RIF1: variants seen among roughly 807,000 people sequenced by gnomAD.
The protein encoded by RIF1 is replication timing regulatory factor 1, also known as telomere-associated protein RIF1.
In RIF1, 45 loss-of-function variants were observed where a neutral mutation model predicts 247.1. That is an observed-to-expected ratio of 0.18 (90% CI 0.14 to 0.23). The LOEUF is 0.23. Among genes scored for constraint, RIF1 ranks in the 10% least tolerant of loss-of-function variants. RIF1 has a pLI of 1.00. For synonymous variants in RIF1, 1,087 were observed against 978.8 expected (o/e 1.11, Z -2.06); for missense variants, 2,967 against 2,862.5 (o/e 1.04, Z -0.83).
At chr2:151,485,048 T>A (rs2152591165), downstream of RIF1, among the ~76,000 whole-genome samples, 1 of 152,320 alleles carries the variant, frequency 6.6e-6, no homozygotes, top group East Asian at 1.9e-4. Context: ...GCCATTATGG[T>A]TGCTTCTTCT....
rs116721618 is a variant in RIF1, at chr2:151,477,411, T to G, written c.*2340T>G. On this transcript the variant is annotated 3_prime_UTR_variant, in exon 36 of 36. Coordinates refer to ENST00000444746, the MANE Select transcript of RIF1 (RefSeq NM_018151.5). ...AAACTAGTGGCATACAGGATTGTCA[T>G]GTAGTATCTTTTTTTTTTTTTGAGA... is the stretch of plus-strand genomic sequence containing the variant. 2.0e-5 allele frequency: 3 copies of G among 152,096 alleles called. No homozygotes were observed. The highest frequency in any genetic ancestry group is 4.4e-5 in the Non-Finnish European group (3 of 68,006). 9.4% of individuals were successfully genotyped at this position (152,096 alleles called of 1,614,324 possible). A position where few individuals can be genotyped will look rare whatever the true frequency, so the allele number is the denominator to read the frequency against.
At position 151,455,083 on chromosome 2, in the gene RIF1, A is replaced by G. The variant is rs746870888; in HGVS notation, c.2533A>G (p.Ile845Val). Residue 845 changes from isoleucine (I) to valine (V), a missense_variant, in exon 22 of 36, where the codon ATT becomes GTT. Around this residue, in one of 7 missense-constraint regions of RIF1, gnomAD observed 2,028 missense variants for 1,825.6 expected, o/e 1.11. Coordinates refer to ENST00000444746, the MANE Select transcript of RIF1 (RefSeq NM_018151.5). ...CATTATTTCCAGTGTACTTGGGCAT[A>G]TTTCTTTGCCTTCTATGATCCGAAA... ...TGIISSVLGH[I>V]SLPSMIRKIF... 10 of 1,613,614 alleles carry G rather than the reference A, an allele frequency of 6.2e-6. No homozygotes were observed. In the East Asian group the frequency reaches 2.0e-4, roughly 32 times the overall value.
intron 6 of RIF1, among the ~76,000 whole-genome samples, 173 bp downstream of exon 6, chr2:151,417,074 G>GT (rs1687332199): frequency 6.6e-6 from 1 of 152,162 alleles, no homozygotes; most frequent in Admixed American, 6.5e-5. Flanking sequence ...ATATGTGTGG[G>GT]TTACTAGGTT....
chr2:151,498,536 G>GGAAA (rs1438095671), intron 10 of RIF1, among the ~76,000 whole-genome samples: 1 of 152,118 alleles, frequency 6.6e-6, no homozygotes, highest in East Asian at 1.9e-4. Context: ...AAGGAATGCA[G>GGAAA]GAAAGAGCAG....
At chr2:151,429,763 A>G (rs1689740704) in intron 9 of RIF1, among the ~76,000 whole-genome samples, 1 of 152,160 alleles carries the variant, frequency 6.6e-6, no homozygotes, top group African/African-American at 2.4e-5. Context: ...GATTTACTTT[A>G]ACCTTATCTT....
chr2:151,412,161 C>T (rs945550851), intron 3 of RIF1, among the ~76,000 whole-genome samples: 2 of 152,158 alleles, frequency 1.3e-5, no homozygotes, highest in African/African-American at 4.8e-5. Flanking sequence ...GACCTGTGTT[C>T]CTGTCTTCAC....
downstream of RIF1, among the ~76,000 whole-genome samples, chr2:151,509,713 T>C (rs1174259996): frequency 6.6e-6 from 1 of 152,132 alleles, no homozygotes; most frequent in East Asian, 1.9e-4. Flanking sequence ...CTGCAACCTC[T>C]GACTCCCTGG....
chr2:151,411,090 T>G (rs1335657782), intron 2 of RIF1, among the ~76,000 whole-genome samples, 170 bp from the exon 3 acceptor site: 1 of 152,224 alleles, frequency 6.6e-6, no homozygotes, highest in Admixed American at 6.5e-5. Flanking sequence ...CTTTCATTTC[T>G]GATATATATT....
chr2:151,492,289 G>A lies in RIF1; in HGVS notation c.*416-2940G>A, dbSNP rs200902944. On this transcript the variant is annotated intron_variant and NMD_transcript_variant, in intron 9 of 13. Coordinates refer to the RIF1 transcript ENST00000454583. ...GTCTTCATGATATTTCACCTGAAAT[G>A]TCATGAATTTGCTTTATGAAAATAT... 366 of 1,607,394 alleles carry A rather than the reference G, an allele frequency of 2.3e-4. 1 individual carries two copies. In the African/African-American group the frequency reaches 4.3e-3, roughly 19 times the overall value.
intron 6 of RIF1, among the ~76,000 whole-genome samples, chr2:151,418,929 T>C (rs1214275693): frequency 6.6e-6 from 1 of 151,552 alleles, no homozygotes; most frequent in Non-Finnish European, 1.5e-5. Flanking sequence ...TGCAAACATA[T>C]TTTCCCTCGT....
rs1318974903 is a variant in RIF1, at chr2:151,410,499, C to G, written c.76C>G (p.Gln26Glu). Residue 26 changes from glutamine to glutamate, a missense_variant, in exon 2 of 36, where the codon CAG becomes GAG. Physicochemically the swap from Gln to Glu is conservative, Grantham distance 29. Around this residue, in one of 7 missense-constraint regions of RIF1, gnomAD observed 269 missense variants for 288.6 expected, o/e 0.93. Coordinates refer to ENST00000444746, the MANE Select transcript of RIF1 (RefSeq NM_018151.5). ...AGACCCTTCTGCCTCCCATGGAGGGCAGACTGACGCTTACCTGACTCTGAC... is the reference window on the plus strand; with the variant it reads ...AGACCCTTCTGCCTCCCATGGAGGGGAGACTGACGCTTACCTGACTCTGAC... ...LEDPSASHGG[Q>E]TDAYLTLTSR... 15 of 1,613,838 alleles carry G rather than the reference C, an allele frequency of 9.3e-6. No homozygotes were observed. Among genetic ancestry groups the G allele is most frequent in the Non-Finnish European group, 1.3e-5 (15 of 1,179,936 alleles).
rs563027164 is a variant in RIF1 at position 151,411,385 on chromosome 2, T to G, written c.183+47T>G. 20 of 1,272,736 alleles carry G rather than the reference T, an allele frequency of 1.6e-5. 1 individual carries two copies. Among genetic ancestry groups the G allele is most frequent in the South Asian group, 1.2e-4 (9 of 76,552 alleles). 78.8% of individuals were successfully genotyped at this position (1,272,736 alleles called of 1,614,324 possible). ...AGTTTTTCACTTTTGGTAGTTTGGTTTTTTTTTTTGGTTTTGTTTTTTTGT... is the reference window on the plus strand; with the variant it reads ...AGTTTTTCACTTTTGGTAGTTTGGTGTTTTTTTTTGGTTTTGTTTTTTTGT... On this transcript the variant is annotated intron_variant, in intron 3 of 35. Coordinates refer to ENST00000444746, the MANE Select transcript of RIF1 (RefSeq NM_018151.5).
At position 151,454,928 on chromosome 2, in the gene RIF1, A is replaced by C; in HGVS notation, c.2378A>C (p.Lys793Thr). 1.2e-6 allele frequency: 2 copies of C among 1,610,912 alleles called. No homozygotes were observed. The highest frequency in any genetic ancestry group is 2.2e-5 in the South Asian group (2 of 90,360). Residue 793 changes from lysine to threonine, a missense_variant, in exon 22 of 36, where the codon AAG becomes ACG. Coordinates refer to ENST00000444746, the MANE Select transcript of RIF1 (RefSeq NM_018151.5). ...AGACCTTCAGATTGGTCCAAAAAGA[A>C]GAATGAGCCCCTAGGGAAATTGACT... is the stretch of plus-strand genomic sequence containing the variant. ...PQRPSDWSKK[K>T]NEPLGKLTSL...
At chr2:151,498,090 A>T (rs1452311816) in intron 10 of RIF1, 1 of 1,472,268 alleles carries the variant, frequency 6.8e-7, no homozygotes, top group Non-Finnish European at 9.0e-7. Context: ...CAGATGAAGT[A>T]AAAAATTGAC....
At chr2:151,531,242 TAAGACTTC>T in the RIF1 span, 7 of 584,978 alleles carry the variant, frequency 1.2e-5, no homozygotes, top group Non-Finnish European at 2.1e-5. Flanking sequence ...TGCTCTCTGC[TAAGACTTC>T]AGTGTTTCCA....
intron 30 of RIF1, among the ~76,000 whole-genome samples, chr2:151,467,659 TCA>T (rs1202099243): frequency 3.3e-5 from 5 of 152,296 alleles, no homozygotes; most frequent in African/African-American, 1.2e-4. Context: ...TGTTTTTACA[TCA>T]GTCTTCTTTC....
the RIF1 span, among the ~76,000 whole-genome samples, chr2:151,523,865 C>A: frequency 6.6e-6 from 1 of 151,798 alleles, no homozygotes. Context: ...CTAGCCCGGG[C>A]AGTTAATATA....
intron 33 of RIF1, 38 bp downstream of exon 33, chr2:151,468,794 A>G: frequency 1.4e-6 from 2 of 1,389,920 alleles, no homozygotes; most frequent in Non-Finnish European, 2.0e-6. Context: ...ATATTCCAAG[A>G]TGCCACTTAT....
intron 35 of RIF1, among the ~76,000 whole-genome samples, 193 bp downstream of exon 35, chr2:151,474,265 A>G (rs1024214256): frequency 6.6e-6 from 1 of 152,204 alleles, no homozygotes. Context: ...CTTCTCCATC[A>G]AGGTCTCAAG....
Sources: gnomAD v4.1 joint callset for allele counts (sites outside exome capture counted in the v4.1 genomes callset) on GRCh38, gnomAD v4.1.1 for gene constraint, gnomAD v4.1.1 regional missense constraint, MANE v1.5 for transcripts, NCBI Gene and HGNC (gene_info 2026-07-23, HGNC 2026-07-21) for gene names.